CATSPERB: variants seen among roughly 807,000 people sequenced by gnomAD.
CATSPERB encodes the protein cation channel sperm-associated auxiliary subunit beta.
Under a neutral mutation model 128.3 loss-of-function variants are expected in CATSPERB, and 93 were observed. The observed-to-expected ratio is 0.72, with a 90% confidence interval of 0.61 to 0.86. The LOEUF (loss-of-function observed/expected upper bound fraction) is 0.86, where lower values mean the gene tolerates loss of function less well. Ranked by LOEUF, CATSPERB falls within the 40% of genes least tolerant of loss-of-function variation. The probability of loss-of-function intolerance (pLI) is 0.00; values close to 1 mark genes in which losing one functional copy is unlikely to be tolerated. For synonymous variants in CATSPERB, 381 were observed against 448.8 expected (o/e 0.85, Z 1.91); for missense variants, 1,153 against 1,329.5 (o/e 0.87, Z 2.06).
At chr14:91,628,178 C>G (rs548518714) in intron 17 of CATSPERB, among the ~76,000 whole-genome samples, 1 of 152,130 alleles carries the variant, frequency 6.6e-6, no homozygotes, top group Admixed American at 6.5e-5. Context: ...TTGGAGGTCT[C>G]ACTATTTTGC....
At chr14:91,703,321 T>G (rs547794863) in intron 7 of CATSPERB, among the ~76,000 whole-genome samples, 1 of 152,294 alleles carries the variant, frequency 6.6e-6, no homozygotes, top group East Asian at 1.9e-4. Flanking sequence ...AGAGAACTCC[T>G]AAAACCTCCA....
intron 10 of CATSPERB, among the ~76,000 whole-genome samples, chr14:91,684,639 G>T (rs910525009): frequency 2.7e-5 from 4 of 146,680 alleles, no homozygotes; most frequent in Non-Finnish European, 6.0e-5. Flanking sequence ...AATTGAGAAG[G>T]AGTCTTACTC....
chr14:91,639,080 T>C lies in CATSPERB; in HGVS notation c.1587+16A>G. 1 of 1,603,092 alleles carries C rather than the reference T, an allele frequency of 6.2e-7. No individual in the cohort carries two copies. Among genetic ancestry groups the C allele is most frequent in the East Asian group, 2.2e-5 (1 of 44,740 alleles). ...CTTAAAATAAGGCAAACTGTTTCAATGCATTATATACTGACCTGTCCAAAA... is the reference window on the plus strand; with the variant it reads ...CTTAAAATAAGGCAAACTGTTTCAACGCATTATATACTGACCTGTCCAAAA... On this transcript the variant is annotated intron_variant, in intron 16 of 26. Transcript: ENST00000256343.
chr14:91,582,331 C>T (rs1893219691), intron 26 of CATSPERB, among the ~76,000 whole-genome samples: 1 of 152,156 alleles, frequency 6.6e-6, no homozygotes, highest in South Asian at 2.1e-4. Context: ...ACAATTGGAC[C>T]CTAACCTACC....
intron 1 of CATSPERB, among the ~76,000 whole-genome samples, chr14:91,731,687 A>AC (rs1313142655): frequency 6.6e-6 from 1 of 152,134 alleles, no homozygotes; most frequent in Non-Finnish European, 1.5e-5. Context: ...CAGTTAAATT[A>AC]CCCCCAGTTA....
At position 91,640,252 on chromosome 14, in the gene CATSPERB, ATTTTTTT is replaced by A. The variant is rs869140538; in HGVS notation, c.1433-1009_1433-1003del. Among the ~76,000 whole-genome samples, 9 of 97,840 alleles carry A rather than the reference ATTTTTTT, an allele frequency of 9.2e-5. No homozygotes were observed. In the East Asian group the frequency reaches 2.2e-3, roughly 24 times the overall value. 64.2% of individuals were successfully genotyped at this position (97,840 alleles called of 152,430 possible). On this transcript the variant is annotated intron_variant, in intron 15 of 26. Coordinates refer to ENST00000256343, the MANE Select transcript of CATSPERB (RefSeq NM_024764.4). The stretch of plus-strand genomic sequence containing the variant: ...TCAATGTCATTCTTTTTATTTTTTT[ATTTTTTT>A]TTTATTTAAGTTTTAAGGTACATGT...
chr14:91,717,608 T>C (rs1237987499), intron 5 of CATSPERB, among the ~76,000 whole-genome samples: 1 of 152,180 alleles, frequency 6.6e-6, no homozygotes, highest in Non-Finnish European at 1.5e-5. Flanking sequence ...TGCTGACATA[T>C]AATAAGAATT....
intron 15 of CATSPERB, among the ~76,000 whole-genome samples, chr14:91,639,621 C>G (rs1894454015): frequency 6.6e-6 from 1 of 152,140 alleles, no homozygotes; most frequent in Non-Finnish European, 1.5e-5. Context: ...CAAGGCGAAT[C>G]ATCAGTAGAC....
At chr14:91,640,884 C>G (rs1434334519) in intron 15 of CATSPERB, among the ~76,000 whole-genome samples, 1 of 151,652 alleles carries the variant, frequency 6.6e-6, no homozygotes, top group Non-Finnish European at 1.5e-5. Context: ...GTTCCTATTT[C>G]TCCACATCCT....
intron 5 of CATSPERB, among the ~76,000 whole-genome samples, chr14:91,718,483 C>T (rs1220457728): frequency 6.6e-6 from 1 of 152,066 alleles, no homozygotes; most frequent in Non-Finnish European, 1.5e-5. Flanking sequence ...TTCCCCCATC[C>T]CACTCTCCCA....
At chr14:91,678,378 A>T (rs913704486) in intron 11 of CATSPERB, among the ~76,000 whole-genome samples, 1 of 152,202 alleles carries the variant, frequency 6.6e-6, no homozygotes, top group African/African-American at 2.4e-5. Context: ...AATAATTCAG[A>T]TCCAGCTATC....
intron 7 of CATSPERB, among the ~76,000 whole-genome samples, chr14:91,702,707 A>ACACACACAC (rs1555364571): frequency 1.3e-5 from 1 of 76,110 alleles, no homozygotes; most frequent in African/African-American, 4.5e-5. Context: ...CACACACACA[A>ACACACACAC]ACCAAAAACA....
chr14:91,623,506 T>A (rs568185003), intron 18 of CATSPERB, among the ~76,000 whole-genome samples: 1 of 152,238 alleles, frequency 6.6e-6, no homozygotes, highest in Non-Finnish European at 1.5e-5. Context: ...ATGCTGAAAG[T>A]CCTCAAATCT....
At chr14:91,641,201 A>T (rs1384228050) in intron 15 of CATSPERB, among the ~76,000 whole-genome samples, 6 of 150,016 alleles carry the variant, frequency 4.0e-5, no homozygotes, top group Admixed American at 1.3e-4. Flanking sequence ...GTTCACTCTC[A>T]TGGTAGTTTC....
intron 14 of CATSPERB, among the ~76,000 whole-genome samples, chr14:91,666,301 G>A (rs755432218): frequency 1.3e-5 from 2 of 152,140 alleles, no homozygotes; most frequent in South Asian, 2.1e-4. Flanking sequence ...TGGAATCACC[G>A]GCTTTTGCCA....
At chr14:91,711,794 C>T (rs1895844453) in intron 5 of CATSPERB, among the ~76,000 whole-genome samples, 1 of 152,110 alleles carries the variant, frequency 6.6e-6, no homozygotes, top group East Asian at 1.9e-4. Flanking sequence ...AAAGTTATGT[C>T]AAGAGTACAT....
intron 3 of CATSPERB, among the ~76,000 whole-genome samples, 177 bp from the exon 4 acceptor site, chr14:91,723,366 T>C (rs1403289224): frequency 6.6e-6 from 1 of 152,150 alleles, no homozygotes; most frequent in Non-Finnish European, 1.5e-5. Context: ...AAAGGTTTCA[T>C]CTTAATAATA....
chr14:91,727,745 G>T (rs537379025), intron 2 of CATSPERB, among the ~76,000 whole-genome samples: 9 of 152,282 alleles, frequency 5.9e-5, no homozygotes, highest in African/African-American at 2.2e-4. Flanking sequence ...CTAAACAGAA[G>T]GAAACTAACT....
chr14:91,674,986 C>T (rs1895166692), intron 11 of CATSPERB, among the ~76,000 whole-genome samples: 1 of 152,244 alleles, frequency 6.6e-6, no homozygotes, highest in Admixed American at 6.5e-5. Context: ...CCTGGCCACT[C>T]TCCCAACTGC....
Sources: gnomAD v4.1 joint callset for allele counts (sites outside exome capture counted in the v4.1 genomes callset) on GRCh38, gnomAD v4.1.1 for gene constraint, MANE v1.5 for transcripts, NCBI Gene and HGNC (gene_info 2026-07-23, HGNC 2026-07-21) for gene names.